The following GTF2A1L variants were observed in gnomAD, a reference collection of about 807,000 sequenced individuals.
GTF2A1L encodes TFIIA-alpha and beta-like factor.
Under a neutral mutation model 49.7 loss-of-function variants are expected in GTF2A1L, and 48 were observed. That is an observed-to-expected ratio of 0.97 (90% CI 0.77 to 1.23). The LOEUF (loss-of-function observed/expected upper bound fraction) is 1.23, where lower values mean the gene tolerates loss of function less well. GTF2A1L is among the 50% of genes most tolerant of loss of function. The probability of loss-of-function intolerance (pLI) is 0.00; values close to 1 mark genes in which losing one functional copy is unlikely to be tolerated. For missense variants in GTF2A1L, 736 were observed against 564.8 expected (o/e 1.30, Z -3.07); for synonymous variants, 246 against 193.5 (o/e 1.27, Z -2.25).
intron 8 of GTF2A1L, among the ~76,000 whole-genome samples, chr2:48,675,455 A>G (rs2104322911): frequency 6.6e-6 from 1 of 152,078 alleles, no homozygotes; most frequent in South Asian, 2.1e-4. Flanking sequence ...AATTGGGGGG[A>G]AAACTTTGAA....
At position 48,630,081 on chromosome 2, in the gene GTF2A1L, A is replaced by G. The variant is rs183569902; in HGVS notation, c.247+8791A>G. Among the ~76,000 whole-genome samples the G allele has an allele frequency of 1.9e-4, 28 of 143,988 alleles. No homozygotes were observed. In the East Asian group the frequency reaches 5.5e-3, roughly 28 times the overall value. The allele number at this position is 143,988 out of a possible 152,430, so 94.5% of individuals were successfully genotyped here. On this transcript the variant is annotated intron_variant, in intron 3 of 8. Transcript: ENST00000403751. ...CCAGTTGTGTTCTTTTTTGCTTATG[A>G]TTGTTTTGGCTGTTCAGGCTCCTTG...
intron 8 of GTF2A1L, 140 bp from the exon 9 acceptor site, chr2:48,679,195 A>G (rs1679631820): frequency 9.0e-7 from 1 of 1,106,926 alleles, no homozygotes; most frequent in Non-Finnish European, 1.2e-6. Flanking sequence ...TTTATGGAAT[A>G]AACAAACTAT....
chr2:48,679,287 C>A, intron 8 of GTF2A1L, 48 bp from the exon 9 acceptor site: 1 of 1,590,516 alleles, frequency 6.3e-7, no homozygotes, highest in South Asian at 1.1e-5. Flanking sequence ...TGCAGGTGAT[C>A]CTTTAACTTG....
chr2:48,642,091 T>C (rs1197088197), intron 3 of GTF2A1L, among the ~76,000 whole-genome samples: 1 of 152,220 alleles, frequency 6.6e-6, no homozygotes, highest in African/African-American at 2.4e-5. Context: ...TTAATAAATA[T>C]TTAATAAATA....
At chr2:48,679,304 T>C in intron 8 of GTF2A1L, 31 bp from the exon 9 acceptor site, 1 of 1,598,360 alleles carries the variant, frequency 6.3e-7, no homozygotes, top group African/African-American at 1.3e-5. Context: ...CTTGTAAAAT[T>C]AATTAATGTA....
chr2:48,646,989 G>T lies in GTF2A1L; in HGVS notation c.925G>T (p.Val309Leu), dbSNP rs761267058. 1.6e-5 allele frequency: 26 copies of T among 1,613,802 alleles called. No homozygotes were observed. The highest frequency in any genetic ancestry group is 1.9e-5 in the Non-Finnish European group (23 of 1,179,966). ...LKNRMYGCDS[V>L]KQPRNIEEPS... ...AAATAGGATGTATGGATGTGATTCT[G>T]TAAAGCAACCAAGAAATATAGAGGA... The change falls in exon 6 of 9, where the codon GTA (valine) becomes TTA (leucine). Residue 309 changes from valine to leucine, a missense_variant. Val to Leu is a conservative substitution (Grantham distance 32). Transcript: ENST00000403751.
At chr2:48,656,667 T>A (rs1678194716) in intron 6 of GTF2A1L, among the ~76,000 whole-genome samples, 1 of 152,196 alleles carries the variant, frequency 6.6e-6, no homozygotes, top group African/African-American at 2.4e-5. Flanking sequence ...CTGTTAATAA[T>A]GTCTTTTGAG....
At chr2:48,666,434 C>T (rs1432609598) in intron 6 of GTF2A1L, among the ~76,000 whole-genome samples, 3 of 152,180 alleles carry the variant, frequency 2.0e-5, no homozygotes, top group African/African-American at 4.8e-5. Context: ...TGGTCTTGAA[C>T]TCCTGACCTT....
chr2:48,667,182 C>T (rs1221524142), intron 6 of GTF2A1L, among the ~76,000 whole-genome samples: 5 of 150,402 alleles, frequency 3.3e-5, no homozygotes, highest in African/African-American at 4.9e-5. Context: ...TAGTCCTGAA[C>T]TTCTGGGCTC....
intron 3 of GTF2A1L, among the ~76,000 whole-genome samples, chr2:48,635,434 T>G (rs1676832205): frequency 6.6e-6 from 1 of 151,988 alleles, no homozygotes. Flanking sequence ...CCTGGATTTC[T>G]GCTTGGGGGG....
Position 48,671,594 on chromosome 2 carries a change from C to G in GTF2A1L, c.1243C>G (p.Pro415Ala). 6.2e-7 allele frequency: 1 copy of G among 1,612,338 alleles called. No individual in the cohort carries two copies. The highest frequency in any genetic ancestry group is 1.1e-5 in the South Asian group (1 of 90,544). The change falls in exon 8 of 9, where the codon CCT becomes GCT. Residue 415 changes from proline to alanine, a missense_variant. Coordinates refer to ENST00000403751, the MANE Select transcript of GTF2A1L (RefSeq NM_006872.5). ...DPQVNIVEED[P>A]LNSGDDVSEQ... is the part of the protein sequence containing the mutation. Reference sequence around the variant, plus strand: ...TGTGATCATCTTTCGTCTTTAGGACCCTTTAAATTCTGGAGATGATGTTAG... The same window carrying G: ...TGTGATCATCTTTCGTCTTTAGGACGCTTTAAATTCTGGAGATGATGTTAG...
intron 3 of GTF2A1L, among the ~76,000 whole-genome samples, chr2:48,641,518 A>G (rs1291397808): frequency 6.6e-6 from 1 of 152,210 alleles, no homozygotes; most frequent in Admixed American, 6.5e-5. Context: ...ACATTAACAT[A>G]TAAACATGCT....
chr2:48,675,213 A>G, intron 8 of GTF2A1L, among the ~76,000 whole-genome samples: 1 of 152,140 alleles, frequency 6.6e-6, no homozygotes, highest in Non-Finnish European at 1.5e-5. Flanking sequence ...CACTCTGCTA[A>G]CTTACTCAGC....
intron 6 of GTF2A1L, among the ~76,000 whole-genome samples, chr2:48,665,578 T>C (rs184976344): frequency 2.6e-5 from 4 of 152,298 alleles, no homozygotes; most frequent in East Asian, 3.9e-4. Flanking sequence ...TCTTTGACCA[T>C]TGGGTATTTA....
rs2104176213 is a variant in GTF2A1L, at chr2:48,642,578, G to C, written c.303+121G>C. On this transcript the variant is annotated intron_variant, in intron 4 of 8. Transcript: ENST00000403751. ...AGTTGAAAGTGAAAAGATGTGGCCGGGCGCGGTGGCTCACGCCTGTAATTC... is the reference window on the plus strand; with the variant it reads ...AGTTGAAAGTGAAAAGATGTGGCCGCGCGCGGTGGCTCACGCCTGTAATTC... 2 of 921,258 alleles carry C rather than the reference G, an allele frequency of 2.2e-6. 1 individual carries two copies. Among genetic ancestry groups the C allele is most frequent in the South Asian group, 5.2e-5 (2 of 38,404 alleles). The allele number at this position is 921,258 out of a possible 1,614,324, so 57.1% of individuals were successfully genotyped here.
At chr2:48,660,890 C>G (rs1678456096) in intron 6 of GTF2A1L, among the ~76,000 whole-genome samples, 1 of 152,152 alleles carries the variant, frequency 6.6e-6, no homozygotes, top group Non-Finnish European at 1.5e-5. Context: ...ATCCACCTGC[C>G]TCGGCCTCTC....
chr2:48,645,138 T>C (rs1349905401), intron 5 of GTF2A1L, 21 bp downstream of exon 5: 2 of 1,576,536 alleles, frequency 1.3e-6, no homozygotes, highest in Non-Finnish European at 1.7e-6. Flanking sequence ...ATTCTAAGAA[T>C]CTTTTTGTTT....
At chr2:48,660,875 A>T (rs367648157) in intron 6 of GTF2A1L, among the ~76,000 whole-genome samples, 1 of 152,146 alleles carries the variant, frequency 6.6e-6, no homozygotes, top group Non-Finnish European at 1.5e-5. Flanking sequence ...TCCTGGCCTC[A>T]AGTGATCCAC....
chr2:48,621,192 C>G lies in GTF2A1L; in HGVS notation c.149C>G (p.Ser50Cys), dbSNP rs763598534. 6.8e-6 allele frequency: 11 copies of G among 1,613,756 alleles called. No homozygotes were observed. The South Asian group carries it at 1.1e-4, about 16-fold the overall frequency. ...CTCTGGGAAACCAAGGTTTTGCAGT[C>G]TAAAGCAACAGAAGACTTCTTCAGA... ...KQLWETKVLQ[S>C]KATEDFFRNS... is the part of the protein sequence containing the mutation. The change falls in exon 3 of 9, where the codon TCT (serine) becomes TGT (cysteine). Residue 50 changes from serine (S) to cysteine (C), a missense_variant. Ser to Cys is a moderately radical substitution (Grantham distance 112, BLOSUM62 -1). Coordinates refer to ENST00000403751, the MANE Select transcript of GTF2A1L (RefSeq NM_006872.5).
Sources: allele counts gnomAD v4.1 joint callset (sites outside exome capture counted in the v4.1 genomes callset), GRCh38; gene constraint gnomAD v4.1.1; transcripts MANE v1.5; gene names NCBI Gene and HGNC (gene_info 2026-07-23, HGNC 2026-07-21).